NHSL2: variants seen among roughly 807,000 people sequenced by gnomAD.
NHSL2 encodes NHS like 2, also known as NHS-like protein 2.
A neutral mutation model predicts 53.4 loss-of-function variants in NHSL2; 27 were observed. That is an observed-to-expected ratio of 0.51 (90% CI 0.37 to 0.70). NHSL2 has a LOEUF of 0.70. NHSL2 is among the 30% of genes least tolerant of loss of function. NHSL2 has a pLI of 0.00. For missense variants in NHSL2, 892 were observed against 980.1 expected (o/e 0.91, Z 1.20); for synonymous variants, 408 against 404.1 (o/e 1.01, Z -0.12).
chrX:71,996,723 T>G (rs2042051690), intron 1 of NHSL2, among the ~76,000 whole-genome samples: 1 of 111,353 alleles, frequency 9.0e-6, no homozygotes, highest in Non-Finnish European at 1.9e-5. Context: ...CATGCAGGAG[T>G]CTCTTGGAAA....
intron 1 of NHSL2, among the ~76,000 whole-genome samples, chrX:72,093,826 G>A (rs143938802): frequency 0.038 from 4,142 of 107,605 alleles, 218 homozygotes; most frequent in African/African-American, 0.14. Context: ...CTGTTGCCCA[G>A]GCTGGAGTGC....
At chrX:72,069,784 G>A in intron 1 of NHSL2, 2 of 807,593 alleles carry the variant, frequency 2.5e-6, no homozygotes, top group Non-Finnish European at 3.1e-6. Context: ...CTTTTCCGGG[G>A]CTCCTACAGC....
intron 1 of NHSL2, among the ~76,000 whole-genome samples, chrX:72,058,129 A>G (rs1485889959): frequency 1.8e-5 from 2 of 112,069 alleles, no homozygotes; most frequent in Non-Finnish European, 3.8e-5. Context: ...TTTCACTTGA[A>G]AGAACAATTG....
intron 1 of NHSL2, among the ~76,000 whole-genome samples, chrX:71,988,009 C>T (rs1311105021): frequency 8.9e-6 from 1 of 112,520 alleles, no homozygotes; most frequent in Non-Finnish European, 1.9e-5. Context: ...AGTACTGCCA[C>T]GTGGTTACAA....
intron 1 of NHSL2, among the ~76,000 whole-genome samples, chrX:72,051,037 G>A (rs888272375): frequency 2.7e-5 from 3 of 111,874 alleles, no homozygotes; most frequent in Admixed American, 1.9e-4. Flanking sequence ...TCCATAAATG[G>A]TATGTACTAT....
At chrX:71,916,626 G>A (rs1467272651) in intron 1 of NHSL2, among the ~76,000 whole-genome samples, 1 of 111,433 alleles carries the variant, frequency 9.0e-6, no homozygotes, top group East Asian at 2.8e-4. Context: ...TCTTATTTAG[G>A]TGGAGGAGAG....
At chrX:72,119,084 T>C (rs931657529) in intron 1 of NHSL2, among the ~76,000 whole-genome samples, 3 of 112,224 alleles carry the variant, frequency 2.7e-5, no homozygotes, top group Non-Finnish European at 5.6e-5. Context: ...CAGCCATATA[T>C]GTATGGATTT....
At chrX:71,995,241 G>T (rs1008977560) in intron 1 of NHSL2, among the ~76,000 whole-genome samples, 1 of 112,216 alleles carries the variant, frequency 8.9e-6, no homozygotes, top group African/African-American at 3.2e-5. Context: ...ATTATTTGCA[G>T]CAGCCTCCTG....
intron 1 of NHSL2, among the ~76,000 whole-genome samples, chrX:72,115,636 T>C: frequency 9.0e-6 from 1 of 110,964 alleles, no homozygotes; most frequent in South Asian, 3.9e-4. Context: ...ATTTAGCTAA[T>C]TGAGTCTGGG....
chrX:71,941,869 G>C (rs1176986514), intron 1 of NHSL2, among the ~76,000 whole-genome samples: 1 of 111,511 alleles, frequency 9.0e-6, no homozygotes, highest in Non-Finnish European at 1.9e-5. Context: ...TCACCTTGTG[G>C]GCTCTAAAGG....
chrX:71,923,137 G>A (rs757475670), intron 1 of NHSL2, among the ~76,000 whole-genome samples: 20 of 111,331 alleles, frequency 1.8e-4, no homozygotes, highest in Middle Eastern at 9.2e-3. Context: ...TTTCACTCTC[G>A]TAAGATGCCA....
At chrX:71,952,062 G>C (rs764486137) in intron 1 of NHSL2, among the ~76,000 whole-genome samples, 2 of 112,176 alleles carry the variant, frequency 1.8e-5, no homozygotes, top group South Asian at 7.5e-4. Context: ...AAGTGAATCT[G>C]GTCCTCCTTC....
At position 72,143,437 on chromosome X, in the gene NHSL2, CAGA is replaced by C; in HGVS notation, c.3547_3549del (p.Lys1183del). ...AAATGACGATTTCAAGGCCTTGCTA[CAGA>C]AGAAGGGAAGTAAGGCAACTCCAAG... On this transcript the variant is annotated inframe_deletion, in exon 8 of 8. Transcript: ENST00000633930. 1 of 1,167,424 alleles carries C rather than the reference CAGA, an allele frequency of 8.6e-7. No individual in the cohort carries two copies. The highest frequency in any genetic ancestry group is 1.1e-6 in the Non-Finnish European group (1 of 872,747).
At chrX:72,091,297 C>CA (rs1270114495) in intron 1 of NHSL2, among the ~76,000 whole-genome samples, 2 of 111,246 alleles carry the variant, frequency 1.8e-5, no homozygotes, top group Non-Finnish European at 1.9e-5. Flanking sequence ...ACTAAAAATA[C>CA]AAAAAAATTA....
At chrX:71,991,818 T>TTCTCTCTC (rs59851052) in intron 1 of NHSL2, among the ~76,000 whole-genome samples, 5,417 of 99,764 alleles carry the variant, frequency 0.054, 189 homozygotes, top group Admixed American at 0.1. Flanking sequence ...GTCTTTCTCT[T>TTCTCTCTC]TCTCTCTCTC....
chrX:71,964,035 A>ATG (rs1261533783), intron 1 of NHSL2, among the ~76,000 whole-genome samples: 2 of 44,220 alleles, frequency 4.5e-5, no homozygotes, highest in African/African-American at 2.0e-4. Flanking sequence ...GTGTATATAT[A>ATG]TATATATGTA....
chrX:72,137,988 T>G (rs987381366), intron 5 of NHSL2, among the ~76,000 whole-genome samples: 1 of 111,502 alleles, frequency 9.0e-6, no homozygotes, highest in Non-Finnish European at 1.9e-5. Context: ...GTGCGAACAA[T>G]GCAACCAGAC....
intron 1 of NHSL2, among the ~76,000 whole-genome samples, chrX:71,956,756 G>A (rs917825046): frequency 5.4e-5 from 6 of 111,157 alleles, no homozygotes; most frequent in Non-Finnish European, 9.4e-5. Context: ...ACACGTAACT[G>A]AGCTGGGATG....
chrX:72,101,542 T>C (rs1451532247), intron 1 of NHSL2, among the ~76,000 whole-genome samples: 1 of 110,346 alleles, frequency 9.1e-6, no homozygotes, highest in East Asian at 2.9e-4. Flanking sequence ...GCCCACTGCC[T>C]AAGTTCTAAA....
Sources: gnomAD v4.1 joint callset for allele counts (sites outside exome capture counted in the v4.1 genomes callset) on GRCh38, gnomAD v4.1.1 for gene constraint, MANE v1.5 for transcripts, NCBI Gene and HGNC (gene_info 2026-07-23, HGNC 2026-07-21) for gene names.